Variants in CCDC69 observed in about 807,000 individuals in gnomAD.
CCDC69 encodes the protein coiled-coil domain-containing protein 69.
CCDC69 carries 38 observed loss-of-function variants against 40.3 expected under a neutral mutation model. The ratio of observed to expected loss-of-function variants is 0.94; its 90% CI spans 0.73 to 1.24. The LOEUF is 1.24. CCDC69 is among the 50% of genes most tolerant of loss of function. CCDC69 has a pLI of 0.00. For synonymous variants in CCDC69, 141 were observed against 138.9 expected, an observed-to-expected ratio of 1.02 and a Z score of -0.11; for missense variants, 389 against 357.9, an observed-to-expected ratio of 1.09 and a Z score of -0.70.
At chr5:151,201,142 C>T (rs997892701) in intron 3 of CCDC69, among the ~76,000 whole-genome samples, 4 of 152,174 alleles carry the variant, frequency 2.6e-5, no homozygotes, top group Non-Finnish European at 4.4e-5. Flanking sequence ...GCTGATAGAG[C>T]GGCCATTACA....
chr5:151,214,823 T>C (rs1248371016), intron 1 of CCDC69, among the ~76,000 whole-genome samples: 1 of 152,122 alleles, frequency 6.6e-6, no homozygotes. Flanking sequence ...CCTTCTTAAA[T>C]ACCCCTGCAC....
At chr5:151,210,499 G>A (rs1453086345) in intron 1 of CCDC69, among the ~76,000 whole-genome samples, 4 of 151,972 alleles carry the variant, frequency 2.6e-5, no homozygotes, top group South Asian at 2.1e-4. Context: ...AGCCAAGATC[G>A]CACCACTGCA....
chr5:151,207,809 G>GT (rs1199833690), intron 1 of CCDC69, among the ~76,000 whole-genome samples: 1 of 150,552 alleles, frequency 6.6e-6, no homozygotes, highest in African/African-American at 2.5e-5. Context: ...CAGGATTTGG[G>GT]TAAAAAAAAT....
At chr5:151,202,669 C>T (rs760639500) in intron 2 of CCDC69, among the ~76,000 whole-genome samples, 2 of 152,156 alleles carry the variant, frequency 1.3e-5, no homozygotes, top group Non-Finnish European at 2.9e-5. Context: ...TCACCTTTAG[C>T]GTCTCCTCAG....
At chr5:151,205,685 G>A (rs969227021) in intron 1 of CCDC69, among the ~76,000 whole-genome samples, 3 of 152,158 alleles carry the variant, frequency 2.0e-5, no homozygotes, top group Non-Finnish European at 2.9e-5. Flanking sequence ...TCTCATCCCT[G>A]TCAGGGAAAC....
At chr5:151,204,705 A>G (rs1752828707) in intron 2 of CCDC69, among the ~76,000 whole-genome samples, 1 of 152,148 alleles carries the variant, frequency 6.6e-6, no homozygotes, top group Non-Finnish European at 1.5e-5. Context: ...TTTTCGTACC[A>G]TGGACATTTC....
At chr5:151,201,212 G>C (rs1321267655) in intron 3 of CCDC69, among the ~76,000 whole-genome samples, 1 of 152,196 alleles carries the variant, frequency 6.6e-6, no homozygotes, top group East Asian at 1.9e-4. Context: ...GCAACTAAAT[G>C]CTTGCCCTAG....
chr5:151,212,448 A>G (rs1752967847), intron 1 of CCDC69, among the ~76,000 whole-genome samples: 1 of 152,214 alleles, frequency 6.6e-6, no homozygotes, highest in South Asian at 2.1e-4. Context: ...AGAGCCCTGC[A>G]GTAGGTTCAA....
chr5:151,212,512 G>C lies in CCDC69; in HGVS notation c.49-7037C>G, dbSNP rs147899930. On this transcript the variant is annotated intron_variant, in intron 1 of 8. Transcript: ENST00000355417. ...CAGCTGTCAAAAGCAGACAGAGTCA[G>C]GGTAGAATGAGAAGACAGTGTCCAG... Among the ~76,000 whole-genome samples, 499 of 152,322 alleles carry C rather than the reference G, an allele frequency of 3.3e-3. 5 individuals carry two copies. Among genetic ancestry groups the C allele is most frequent in the African/African-American group, 0.01 (425 of 41,576 alleles).
chr5:151,206,997 C>T (rs1197696434), intron 1 of CCDC69, among the ~76,000 whole-genome samples: 1 of 152,046 alleles, frequency 6.6e-6, no homozygotes, highest in African/African-American at 2.4e-5. Context: ...GTGATTCTGG[C>T]TCACTGCAAC....
chr5:151,191,879 T>C (rs1752616734), intron 4 of CCDC69, among the ~76,000 whole-genome samples: 1 of 151,870 alleles, frequency 6.6e-6, no homozygotes, highest in Non-Finnish European at 1.5e-5. Context: ...AGACCAGGAA[T>C]TTGAGACCAG....
intron 1 of CCDC69, chr5:151,212,944 T>G: frequency 4.4e-6 from 2 of 454,494 alleles, no homozygotes; most frequent in Middle Eastern, 3.7e-4. Context: ...CGCTCCATCA[T>G]TAGTAGCATG....
chr5:151,213,465 G>A (rs1205412150), intron 1 of CCDC69, among the ~76,000 whole-genome samples: 1 of 151,746 alleles, frequency 6.6e-6, no homozygotes, highest in Non-Finnish European at 1.5e-5. Flanking sequence ...TGTTAGCCAG[G>A]ATGGTCTCAA....
chr5:151,210,081 T>C (rs988113225), intron 1 of CCDC69, among the ~76,000 whole-genome samples: 10 of 152,206 alleles, frequency 6.6e-5, no homozygotes, highest in African/African-American at 2.2e-4. Flanking sequence ...TCCTCATATC[T>C]TACTTTTTCA....
chr5:151,223,341 C>T (rs556328671), intron 1 of CCDC69, among the ~76,000 whole-genome samples: 1 of 152,376 alleles, frequency 6.6e-6, no homozygotes, highest in East Asian at 1.9e-4. Flanking sequence ...CCCACACTCA[C>T]CAGCTCTGGG....
chr5:151,187,635 A>T (rs1271791469), intron 4 of CCDC69, among the ~76,000 whole-genome samples, 176 bp from the exon 5 acceptor site: 4 of 152,138 alleles, frequency 2.6e-5, no homozygotes, highest in Non-Finnish European at 4.4e-5. Context: ...TGTGCCAGAA[A>T]TGTACTAGGT....
At chr5:151,190,293 G>A (rs892542800) in intron 4 of CCDC69, among the ~76,000 whole-genome samples, 3 of 152,210 alleles carry the variant, frequency 2.0e-5, no homozygotes, top group African/African-American at 7.2e-5. Flanking sequence ...TAATACATGA[G>A]ATAAATGTAA....
chr5:151,200,494 A>G (rs1475416231), intron 3 of CCDC69, among the ~76,000 whole-genome samples: 2 of 152,208 alleles, frequency 1.3e-5, no homozygotes, highest in Non-Finnish European at 2.9e-5. Flanking sequence ...AACATATTTC[A>G]TATTTATAAT....
At chr5:151,196,319 C>A (rs1378457566) in intron 4 of CCDC69, among the ~76,000 whole-genome samples, 1 of 152,070 alleles carries the variant, frequency 6.6e-6, no homozygotes, top group African/African-American at 2.4e-5. Context: ...CACCACCACA[C>A]CAGACTAATT....
Sources: gnomAD v4.1 joint callset for allele counts (sites outside exome capture counted in the v4.1 genomes callset) on GRCh38, gnomAD v4.1.1 for gene constraint, MANE v1.5 for transcripts, NCBI Gene and HGNC (gene_info 2026-07-23, HGNC 2026-07-21) for gene names.